The following TMEM117 variants were observed in gnomAD, a reference collection of about 807,000 sequenced individuals.
The protein encoded by TMEM117 is transmembrane protein 117.
TMEM117 carries 27 observed loss-of-function variants against 52.4 expected under a neutral mutation model. The observed-to-expected ratio is 0.51, with a 90% CI of 0.38 to 0.71. TMEM117 has a LOEUF of 0.71. TMEM117 is among the 30% of genes least tolerant of loss of function. The probability of loss-of-function intolerance (pLI) is 0.00; values close to 1 mark genes in which losing one functional copy is unlikely to be tolerated. For missense variants in TMEM117, 556 were observed against 630.5 expected (o/e 0.88, Z 1.26); for synonymous variants, 215 against 206.3 (o/e 1.04, Z -0.36).
chr12:43,805,751 T>G, the TMEM117 span: 7 of 1,316,968 alleles, frequency 5.3e-6, no homozygotes, highest in Non-Finnish European at 7.1e-6. Context: ...CCTACTGATG[T>G]GAGAAAGATT....
chr12:43,937,229 A>G (rs889949245), intron 2 of TMEM117, among the ~76,000 whole-genome samples: 4 of 152,242 alleles, frequency 2.6e-5, no homozygotes, highest in African/African-American at 7.2e-5. Flanking sequence ...GACCAAAGTC[A>G]TATTCTAAGA....
the TMEM117 span, among the ~76,000 whole-genome samples, chr12:43,829,560 A>G: frequency 6.6e-6 from 1 of 152,330 alleles, no homozygotes; most frequent in Non-Finnish European, 1.5e-5. Context: ...AGGTCTATCA[A>G]ACTTGTCTGA....
intron 2 of TMEM117, among the ~76,000 whole-genome samples, chr12:43,858,305 G>A (rs1335413044): frequency 3.3e-5 from 5 of 152,196 alleles, no homozygotes; most frequent in Non-Finnish European, 5.9e-5. Context: ...CCCAGATGGC[G>A]AACTGGCAGC....
At chr12:44,211,434 G>A (rs1318801793) in intron 5 of TMEM117, 47 bp downstream of exon 5, 1 of 1,352,526 alleles carries the variant, frequency 7.4e-7, no homozygotes, top group Non-Finnish European at 1.0e-6. Context: ...CTCATTCACT[G>A]AAGGACTTTA....
chr12:44,183,513 T>A (rs1230139812), intron 4 of TMEM117, among the ~76,000 whole-genome samples: 1 of 152,244 alleles, frequency 6.6e-6, no homozygotes, highest in Non-Finnish European at 1.5e-5. Context: ...TATTGTTTGA[T>A]GTAAACATTA....
chr12:43,974,034 T>G (rs1359567955), intron 3 of TMEM117, among the ~76,000 whole-genome samples: 2 of 152,206 alleles, frequency 1.3e-5, no homozygotes, highest in Non-Finnish European at 2.9e-5. Flanking sequence ...TCTGCAAAAC[T>G]TCTCTAGTCA....
chr12:44,223,521 T>C (rs1366067148), intron 5 of TMEM117, among the ~76,000 whole-genome samples: 1 of 152,142 alleles, frequency 6.6e-6, no homozygotes, highest in African/African-American at 2.4e-5. Context: ...TGATGGAGTC[T>C]CTTTCTTACC....
chr12:43,897,466 C>T (rs184491950), intron 2 of TMEM117, among the ~76,000 whole-genome samples: 136 of 151,964 alleles, frequency 8.9e-4, no homozygotes, highest in Non-Finnish European at 1.7e-3. Flanking sequence ...CATGCACCAC[C>T]ATGGCCCAGC....
At chr12:43,866,558 G>A (rs1943603513) in intron 2 of TMEM117, among the ~76,000 whole-genome samples, 1 of 151,716 alleles carries the variant, frequency 6.6e-6, no homozygotes, top group Admixed American at 6.6e-5. Context: ...CTGGGTGACA[G>A]AGCAAGATCC....
intron 2 of TMEM117, among the ~76,000 whole-genome samples, chr12:43,936,591 A>C (rs1944955251): frequency 6.6e-6 from 1 of 152,190 alleles, no homozygotes; most frequent in East Asian, 1.9e-4. Context: ...TTTATGGGGT[A>C]ATTGGAAGAA....
At chr12:44,276,484 G>T (rs1233935589) in intron 5 of TMEM117, among the ~76,000 whole-genome samples, 3 of 152,066 alleles carry the variant, frequency 2.0e-5, no homozygotes, top group Non-Finnish European at 2.9e-5. Flanking sequence ...ATCAGCAGCT[G>T]GGGGTGAGGG....
At chr12:44,115,665 C>G (rs550599739) in intron 3 of TMEM117, among the ~76,000 whole-genome samples, 2 of 152,044 alleles carry the variant, frequency 1.3e-5, no homozygotes, top group Non-Finnish European at 2.9e-5. Context: ...AATTTTCAAG[C>G]CTGTCTGCAT....
chr12:44,064,002 C>T (rs1171380936), intron 3 of TMEM117, among the ~76,000 whole-genome samples: 3 of 152,044 alleles, frequency 2.0e-5, no homozygotes, highest in African/African-American at 7.2e-5. Context: ...AGATTCTAAA[C>T]ATGTTTTTAT....
At chr12:44,002,138 T>G (rs1946126070) in intron 3 of TMEM117, among the ~76,000 whole-genome samples, 1 of 152,140 alleles carries the variant, frequency 6.6e-6, no homozygotes. Flanking sequence ...CAGACCATCC[T>G]AAGAAGGGAT....
At chr12:44,197,578 C>T (rs1454575124) in intron 4 of TMEM117, among the ~76,000 whole-genome samples, 1 of 151,946 alleles carries the variant, frequency 6.6e-6, no homozygotes, top group East Asian at 1.9e-4. Flanking sequence ...CTCATTTTTT[C>T]CATTTATTCT....
chr12:44,159,257 C>A (rs1948867389), intron 4 of TMEM117, among the ~76,000 whole-genome samples: 1 of 152,104 alleles, frequency 6.6e-6, no homozygotes, highest in South Asian at 2.1e-4. Context: ...TCTGTTACTG[C>A]CTTAAAATCT....
chr12:44,311,731 A>ATG, intron 6 of TMEM117, among the ~76,000 whole-genome samples: 1 of 139,890 alleles, frequency 7.1e-6, no homozygotes, highest in African/African-American at 2.8e-5. Flanking sequence ...ATATATGTAT[A>ATG]TATATATGTA....
At chr12:44,157,747 A>G (rs554956999) in intron 4 of TMEM117, among the ~76,000 whole-genome samples, 3 of 152,288 alleles carry the variant, frequency 2.0e-5, no homozygotes, top group Admixed American at 6.5e-5. Context: ...AGGAATGCTT[A>G]TATGTTAGGT....
chr12:43,940,128 A>C (rs1047988432), intron 2 of TMEM117, among the ~76,000 whole-genome samples: 12 of 152,212 alleles, frequency 7.9e-5, no homozygotes, highest in Non-Finnish European at 1.8e-4. Context: ...GCCTTGACCA[A>C]CATTCATGTA....
Sources: gnomAD v4.1 joint callset for allele counts (sites outside exome capture counted in the v4.1 genomes callset) on GRCh38, gnomAD v4.1.1 for gene constraint, MANE v1.5 for transcripts, NCBI Gene and HGNC (gene_info 2026-07-23, HGNC 2026-07-21) for gene names.